AAK1: variants seen among roughly 807,000 people sequenced by gnomAD.
The protein encoded by AAK1 is AP2 associated kinase 1.
A neutral mutation model predicts 116.0 loss-of-function variants in AAK1; 37 were observed. That is an observed-to-expected ratio of 0.32 (90% confidence interval 0.25 to 0.42). The LOEUF (loss-of-function observed/expected upper bound fraction) is 0.42, where lower values mean the gene tolerates loss of function less well. AAK1 is among the 10% of genes least tolerant of loss of function. The pLI, the probability that AAK1 is intolerant of heterozygous loss-of-function variation, is 1.00. For synonymous variants in AAK1, 458 were observed against 439.9 expected, an observed-to-expected ratio of 1.04 and a Z score of -0.51; for missense variants, 919 against 1,170.6, an observed-to-expected ratio of 0.79 and a Z score of 3.14.
intron 2 of AAK1, among the ~76,000 whole-genome samples, chr2:69,626,546 CTGG>C (rs1374325784): frequency 6.6e-6 from 1 of 151,514 alleles, no homozygotes; most frequent in Non-Finnish European, 1.5e-5. Flanking sequence ...GTCTCCCAGC[CTGG>C]AGTGAGGTGG....
At chr2:69,501,108 T>C (rs1675964893) in intron 16 of AAK1, among the ~76,000 whole-genome samples, 1 of 152,210 alleles carries the variant, frequency 6.6e-6, no homozygotes. Context: ...CTAATCATCA[T>C]TTTGATGTTC....
chr2:69,480,747 G>A, intron 19 of AAK1, 113 bp downstream of exon 19: 1 of 781,492 alleles, frequency 1.3e-6, no homozygotes, highest in Non-Finnish European at 2.0e-6. Context: ...CATTTCAGGA[G>A]GAACTACCTG....
At chr2:69,489,036 G>A (rs1675415247) in intron 17 of AAK1, among the ~76,000 whole-genome samples, 1 of 150,748 alleles carries the variant, frequency 6.6e-6, no homozygotes, top group African/African-American at 2.4e-5. Flanking sequence ...TGAAAAAATG[G>A]CGTCCCTGTA....
chr2:69,583,021 G>A (rs1672612475), intron 2 of AAK1, among the ~76,000 whole-genome samples: 1 of 152,176 alleles, frequency 6.6e-6, no homozygotes, highest in Middle Eastern at 3.2e-3. Context: ...AACTCCACGT[G>A]AGAGATACCA....
rs75411587 is a variant in AAK1, at chr2:69,485,105, G to A, written c.2366-2293C>T. Reference sequence around the variant, plus strand: ...TTCCTAAAAAGTCTAACTTTGCATTGCTCCAAACACTAGTTTTTGCTTCAT... The same window carrying A: ...TTCCTAAAAAGTCTAACTTTGCATTACTCCAAACACTAGTTTTTGCTTCAT... On this transcript the variant is annotated intron_variant, in intron 17 of 21. Coordinates refer to ENST00000409085, the MANE Select transcript of AAK1 (RefSeq NM_014911.5). 7.7e-3 allele frequency among the ~76,000 whole-genome samples: 1,166 copies of A among 152,056 alleles called. 11 individuals are homozygous for A. The highest frequency in any genetic ancestry group is 0.027 in the African/African-American group (1,100 of 41,434).
rs544330161 is a variant in AAK1 at position 69,473,735 on chromosome 2, C to T, written c.*2134G>A. On this transcript the variant is annotated 3_prime_UTR_variant, in exon 22 of 22. Coordinates refer to ENST00000409085, the MANE Select transcript of AAK1 (RefSeq NM_014911.5). The stretch of plus-strand genomic sequence containing the variant: ...TCATTATATTTCTAACATGTATATA[C>T]GAAAAAAATCAAATATGAAAACATA... 32 of 967,568 alleles carry T rather than the reference C, an allele frequency of 3.3e-5. No homozygotes were observed. The highest frequency in any genetic ancestry group is 6.2e-5 in the Admixed American group (1 of 16,224). The allele number at this position is 967,568 out of a possible 1,614,324, so 59.9% of individuals were successfully genotyped here.
Position 69,470,923 on chromosome 2 carries a change from A to G in AAK1, c.*4946T>C. 1 of 985,862 alleles carries G rather than the reference A, an allele frequency of 1.0e-6. No individual in the cohort carries two copies. The highest frequency in any genetic ancestry group is 1.2e-6 in the Non-Finnish European group (1 of 829,924). 61.1% of individuals were successfully genotyped at this position (985,862 alleles called of 1,614,324 possible). A position where few individuals can be genotyped will look rare whatever the true frequency, so the allele number is the denominator to read the frequency against. ...TTACATCTCTAAACATCATGCTCCC[A>G]TTTGAACAGATAAAAGTCTTTATTC... On this transcript the variant is annotated 3_prime_UTR_variant, in exon 22 of 22. Coordinates refer to ENST00000409085, the MANE Select transcript of AAK1 (RefSeq NM_014911.5).
intron 5 of AAK1, among the ~76,000 whole-genome samples, chr2:69,542,240 C>T (rs1325089874): frequency 1.3e-5 from 2 of 152,168 alleles, no homozygotes; most frequent in Admixed American, 6.5e-5. Context: ...TATTACTTTT[C>T]ACAATCCTGA....
chr2:69,493,683 G>C (rs1675630029), intron 17 of AAK1, among the ~76,000 whole-genome samples: 1 of 152,186 alleles, frequency 6.6e-6, no homozygotes, highest in Non-Finnish European at 1.5e-5. Context: ...AGGAAAGACA[G>C]ACTATGTCCT....
At chr2:69,622,838 C>G (rs554019460) in intron 2 of AAK1, among the ~76,000 whole-genome samples, 7 of 152,100 alleles carry the variant, frequency 4.6e-5, no homozygotes, top group African/African-American at 1.7e-4. Context: ...CTAGTGGGGA[C>G]GTGGAGAACT....
rs1239395278 is a variant in AAK1 at position 69,468,530 on chromosome 2, A to C, written c.*7339T>G. 2 of 985,426 alleles carry C rather than the reference A, an allele frequency of 2.0e-6. No homozygotes were observed. Among genetic ancestry groups the C allele is most frequent in the African/African-American group, 3.5e-5 (2 of 57,342 alleles). The allele number at this position is 985,426 out of a possible 1,614,324, so 61.0% of individuals were successfully genotyped here. A position where few individuals can be genotyped will look rare whatever the true frequency, so the allele number is the denominator to read the frequency against. ...TATTAAGCTTGTTCTGCAGGAGAGC[A>C]AAATATCTCTTAGGGAAAAAAAATG... On this transcript the variant is annotated 3_prime_UTR_variant, in exon 22 of 22. Coordinates refer to ENST00000409085, the MANE Select transcript of AAK1 (RefSeq NM_014911.5).
chr2:69,595,338 A>T (rs927016631), intron 2 of AAK1, among the ~76,000 whole-genome samples: 36 of 152,174 alleles, frequency 2.4e-4, no homozygotes, highest in Non-Finnish European at 8.8e-5. Context: ...CTGGTCTCGA[A>T]CTCATGACCT....
At chr2:69,571,555 A>C (rs535829098) in intron 2 of AAK1, among the ~76,000 whole-genome samples, 1 of 152,298 alleles carries the variant, frequency 6.6e-6, no homozygotes, top group Admixed American at 6.5e-5. Context: ...TTGCACCAAT[A>C]TGTCTGTAGA....
intron 5 of AAK1, among the ~76,000 whole-genome samples, chr2:69,534,510 G>T (rs2105032220): frequency 6.6e-6 from 1 of 152,358 alleles, no homozygotes; most frequent in South Asian, 2.1e-4. Flanking sequence ...TAGCCAGGCT[G>T]ATTTGTTCGA....
intron 2 of AAK1, among the ~76,000 whole-genome samples, chr2:69,570,817 C>G (rs1355272674): frequency 1.3e-5 from 2 of 152,154 alleles, no homozygotes; most frequent in African/African-American, 2.4e-5. Context: ...ATGTACAAGG[C>G]CAATCATAAT....
At chr2:69,586,586 A>T (rs1281208043) in intron 2 of AAK1, among the ~76,000 whole-genome samples, 1 of 152,216 alleles carries the variant, frequency 6.6e-6, no homozygotes, top group Non-Finnish European at 1.5e-5. Flanking sequence ...GCATTGTCTG[A>T]ATCACCTAGA....
chr2:69,570,781 T>A (rs987477958), intron 2 of AAK1, among the ~76,000 whole-genome samples: 1 of 152,210 alleles, frequency 6.6e-6, no homozygotes, highest in Non-Finnish European at 1.5e-5. Context: ...CTCTTGATCA[T>A]CTACAAGATT....
chr2:69,519,386 C>G (rs756085439), intron 11 of AAK1, 146 bp from the exon 12 acceptor site: 12 of 1,167,144 alleles, frequency 1.0e-5, no homozygotes, highest in Non-Finnish European at 1.4e-5. Context: ...TCCACATGCT[C>G]TGTCCCACCT....
chr2:69,544,454 G>A lies in AAK1; in HGVS notation c.373C>T (p.Leu125=), dbSNP rs528620333. The change falls in exon 4 of 22, where the codon CTG becomes TTG. Residue 125 remains leucine (L), a synonymous_variant. Transcript: ENST00000409085. ...TACATACCTCTACAAAAGTCCATCA[G>A]AATGAGCACTTCCCATACATCACCG... ...SSGDVWEVLI[L]MDFCRGGQVV... 1 of 1,612,696 alleles carries A rather than the reference G, an allele frequency of 6.2e-7. No homozygotes were observed. Among genetic ancestry groups the A allele is most frequent in the South Asian group, 1.1e-5 (1 of 91,058 alleles).
Sources: gnomAD v4.1 joint callset for allele counts (sites outside exome capture counted in the v4.1 genomes callset) on GRCh38, gnomAD v4.1.1 for gene constraint, MANE v1.5 for transcripts, NCBI Gene and HGNC (gene_info 2026-07-23, HGNC 2026-07-21) for gene names.